CR1: variants seen among roughly 807,000 people sequenced by gnomAD.
The protein encoded by CR1 is complement receptor type 1.
Under a neutral mutation model 187.3 loss-of-function variants are expected in CR1, and 116 were observed. The ratio of observed to expected loss-of-function variants is 0.62; its 90% confidence interval spans 0.53 to 0.72. The LOEUF (loss-of-function observed/expected upper bound fraction) is 0.72, where lower values mean the gene tolerates loss of function less well. Ranked by LOEUF, CR1 falls within the 30% of genes least tolerant of loss-of-function variation. The probability of loss-of-function intolerance (pLI) is 0.00; values close to 1 mark genes in which losing one functional copy is unlikely to be tolerated. For synonymous variants in CR1, 576 were observed against 747.1 expected (o/e 0.77, Z 3.73); for missense variants, 1,731 against 2,110.7 (o/e 0.82, Z 3.52).
intron 45 of CR1, among the ~76,000 whole-genome samples, chr1:207,628,792 T>C (rs1383758552): frequency 2.0e-5 from 3 of 152,230 alleles, no homozygotes; most frequent in African/African-American, 7.2e-5. Flanking sequence ...ACTGAGTTTG[T>C]TTTAGCTACT....
At chr1:207,599,302 A>G (rs1037888965) in intron 35 of CR1, among the ~76,000 whole-genome samples, 1 of 152,236 alleles carries the variant, frequency 6.6e-6, no homozygotes, top group African/African-American at 2.4e-5. Flanking sequence ...TAAAGCAACA[A>G]TATGTCATGT....
chr1:207,619,376 C>CAAAAAAAAAAAAAAAAA (rs67078800), intron 42 of CR1, among the ~76,000 whole-genome samples: 1 of 92,656 alleles, frequency 1.1e-5, no homozygotes. Context: ...CAGTGAGACT[C>CAAAAAAAAAAAAAAAAA]AAAAAAAAAA....
chr1:207,591,554 A>G (rs895601059), intron 35 of CR1, among the ~76,000 whole-genome samples: 2 of 152,200 alleles, frequency 1.3e-5, no homozygotes, highest in African/African-American at 4.8e-5. Context: ...GAGAAGCAAG[A>G]GCAAACAAAT....
chr1:207,579,806 G>A (rs1660880351), intron 29 of CR1, among the ~76,000 whole-genome samples: 1 of 152,168 alleles, frequency 6.6e-6, no homozygotes, highest in African/African-American at 2.4e-5. Flanking sequence ...AGCACCACTG[G>A]CTCATCCTTG....
chr1:207,591,134 A>G (rs185380373), intron 35 of CR1, among the ~76,000 whole-genome samples: 238 of 152,304 alleles, frequency 1.6e-3, no homozygotes, highest in African/African-American at 5.1e-3. Flanking sequence ...CTCCACCCCA[A>G]ATCAGCAGAA....
intron 46 of CR1, among the ~76,000 whole-genome samples, chr1:207,634,630 G>A (rs1275058447): frequency 4.5e-5 from 6 of 134,692 alleles, no homozygotes; most frequent in African/African-American, 1.9e-4. Context: ...CAGATGAGCT[G>A]GAGGCCTCAT....
intron 45 of CR1, among the ~76,000 whole-genome samples, chr1:207,626,660 G>C (rs1167239130): frequency 6.6e-6 from 1 of 152,234 alleles, no homozygotes; most frequent in Non-Finnish European, 1.5e-5. Flanking sequence ...AGTCACACCA[G>C]GCCTAGAGAG....
At chr1:207,628,432 CAT>C (rs2102412043) in intron 45 of CR1, among the ~76,000 whole-genome samples, 1 of 152,262 alleles carries the variant, frequency 6.6e-6, no homozygotes, top group East Asian at 1.9e-4. Context: ...AAAGAGTTAA[CAT>C]GTTTATTTAT....
At chr1:207,619,590 A>C (rs1249300008) in intron 42 of CR1, among the ~76,000 whole-genome samples, 1 of 152,156 alleles carries the variant, frequency 6.6e-6, no homozygotes, top group African/African-American at 2.4e-5. Context: ...CCAGGGCTAG[A>C]TCACCGTTAG....
rs754020848 is a variant in CR1 at position 207,523,662 on chromosome 1, C to A, written c.539C>A (p.Thr180Asn). 6.2e-7 allele frequency: 1 copy of A among 1,613,900 alleles called. No homozygotes were observed. The highest frequency in any genetic ancestry group is 8.5e-7 in the Non-Finnish European group (1 of 1,179,898). The stretch of plus-strand genomic sequence containing the variant: ...ATCACCAATGGAGATTTCATTAGCA[C>A]CAACAGAGAGAATTTTCACTATGGA... ...PTITNGDFIS[T>N]NRENFHYGSV... Residue 180 changes from threonine (T) to asparagine (N), a missense_variant, in exon 5 of 47, where the codon ACC becomes AAC. By Grantham distance (65) the Thr-to-Asn change is moderately conservative (BLOSUM62 0). This residue lies in a region of CR1 where 237 missense variants were observed against 240.4 expected (regional missense o/e 0.99). Coordinates refer to ENST00000367049, the MANE Select transcript of CR1 (RefSeq NM_000651.6).
chr1:207,502,273 C>T (rs1387674485), intron 1 of CR1, among the ~76,000 whole-genome samples: 3 of 151,956 alleles, frequency 2.0e-5, no homozygotes, highest in Non-Finnish European at 4.4e-5. Context: ...ATTGTAATAA[C>T]AAACAATTAT....
intron 39 of CR1, among the ~76,000 whole-genome samples, chr1:207,614,160 T>C (rs1341221209): frequency 2.0e-5 from 3 of 152,216 alleles, no homozygotes; most frequent in African/African-American, 7.2e-5. Flanking sequence ...GCACATCAGC[T>C]CTAATTGCTT....
At chr1:207,589,881 A>C (rs1030893367) in intron 35 of CR1, among the ~76,000 whole-genome samples, 1 of 152,252 alleles carries the variant, frequency 6.6e-6, no homozygotes, top group Non-Finnish European at 1.5e-5. Flanking sequence ...ATTGAAGATC[A>C]ACTTAATGAA....
intron 42 of CR1, among the ~76,000 whole-genome samples, chr1:207,618,982 G>A (rs1022338908): frequency 1.4e-5 from 2 of 142,116 alleles, no homozygotes; most frequent in African/African-American, 2.8e-5. Flanking sequence ...AGGTTGCAGT[G>A]AGCTGAGATC....
rs559675610 is a variant in CR1, at chr1:207,579,321, C to T, written c.4937-919C>T. On this transcript the variant is annotated intron_variant, in intron 29 of 46. Transcript: ENST00000367049. ...GACAGAGAAGGAGCTTACGATTCTT[C>T]TACCAACCCATGTTAGCCTTGTGCA... is the stretch of plus-strand genomic sequence containing the variant. Among the ~76,000 whole-genome samples the T allele has an allele frequency of 8.5e-5, 13 of 152,276 alleles. No individual in the cohort carries two copies. The East Asian group carries it at 2.3e-3, about 27-fold the overall frequency.
intron 33 of CR1, among the ~76,000 whole-genome samples, chr1:207,585,449 A>G (rs1422413885): frequency 6.6e-6 from 1 of 152,230 alleles, no homozygotes; most frequent in African/African-American, 2.4e-5. Flanking sequence ...TCAGGGGGTA[A>G]GAAGCAAGGA....
intron 46 of CR1, among the ~76,000 whole-genome samples, chr1:207,638,038 T>C (rs1314105387): frequency 6.6e-6 from 1 of 152,260 alleles, no homozygotes; most frequent in Non-Finnish European, 1.5e-5. Flanking sequence ...CTGATTTCTA[T>C]AAATGTTTAA....
chr1:207,584,844 C>T lies in CR1; in HGVS notation c.5498C>T (p.Pro1833Leu). The change falls in exon 33 of 47, where the codon CCT (proline) becomes CTT (leucine). Residue 1833 changes from proline to leucine, a missense_variant. Physicochemically the swap from Pro to Leu is moderately conservative, Grantham distance 98 (BLOSUM62 -3). Around this residue, in one of 5 missense-constraint regions of CR1, gnomAD observed 1,312 missense variants for 1,379.6 expected, o/e 0.95. Coordinates refer to ENST00000367049, the MANE Select transcript of CR1 (RefSeq NM_000651.6). ...DPHGNGVWSS[P>L]APRCELSVRA... ...CATGGGAATGGGGTTTGGAGCAGCC[C>T]TGCCCCTCGCTGTGAACTTTCTGTT... 3 of 1,613,954 alleles carry T rather than the reference C, an allele frequency of 1.9e-6. No homozygotes were observed. The highest frequency in any genetic ancestry group is 2.5e-6 in the Non-Finnish European group (3 of 1,179,860).
At chr1:207,512,902 T>A (rs1225431873) in intron 4 of CR1, among the ~76,000 whole-genome samples, 1 of 152,220 alleles carries the variant, frequency 6.6e-6, no homozygotes, top group Non-Finnish European at 1.5e-5. Flanking sequence ...TCCTGGTAAA[T>A]GGCCTCAAGT....
Sources: gnomAD v4.1 joint callset for allele counts (sites outside exome capture counted in the v4.1 genomes callset) on GRCh38, gnomAD v4.1.1 for gene constraint, gnomAD v4.1.1 regional missense constraint, MANE v1.5 for transcripts, NCBI Gene and HGNC (gene_info 2026-07-23, HGNC 2026-07-21) for gene names.